The following KDM4C variants were observed in gnomAD, a reference collection of about 807,000 sequenced individuals.
KDM4C encodes lysine-specific demethylase 4C.
In KDM4C, 81 loss-of-function variants were observed where a neutral mutation model predicts 129.3. The ratio of observed to expected loss-of-function variants is 0.63; its 90% CI spans 0.52 to 0.75. The LOEUF is 0.75. KDM4C is among the 30% of genes least tolerant of loss of function. KDM4C has a pLI of 0.00. For synonymous variants in KDM4C, 573 were observed against 456.1 expected, an observed-to-expected ratio of 1.26 and a Z score of -3.26; for missense variants, 1,457 against 1,304.0, an observed-to-expected ratio of 1.12 and a Z score of -1.81.
chr9:6,825,208 TTATAAAGTCATATGTCC>T, intron 4 of KDM4C, among the ~76,000 whole-genome samples: 1 of 152,096 alleles, frequency 6.6e-6, no homozygotes, highest in South Asian at 2.1e-4. Context: ...ATTTAATCTG[TTATAAAGTCATATGTCC>T]TATAGCTTCT....
At chr9:6,796,511 A>T (rs905657338) in intron 2 of KDM4C, among the ~76,000 whole-genome samples, 1 of 152,092 alleles carries the variant, frequency 6.6e-6, no homozygotes, top group African/African-American at 2.4e-5. Context: ...GTGTCTTGTG[A>T]GGTAGGGTGG....
chr9:7,024,000 GAT>G (rs2132284233), intron 15 of KDM4C, among the ~76,000 whole-genome samples: 1 of 152,288 alleles, frequency 6.6e-6, no homozygotes, highest in South Asian at 2.1e-4. Context: ...GAAGATGCTT[GAT>G]ATTATTGCAC....
At chr9:6,795,333 G>A (rs1023784560) in intron 2 of KDM4C, among the ~76,000 whole-genome samples, 16 of 151,846 alleles carry the variant, frequency 1.1e-4, no homozygotes, top group African/African-American at 3.9e-4. Flanking sequence ...TATATTTTTT[G>A]TTGTTGTTTC....
chr9:7,082,939 T>G lies in KDM4C; in HGVS notation c.2425-20746T>G, dbSNP rs553957518. ...ACTTTTTCTTTGTTTACTATTGATA[T>G]TAATAGCCATTGTTTATAGTTCAGC... On this transcript the variant is annotated intron_variant, in intron 17 of 21. Transcript: ENST00000381309. 2.9e-4 allele frequency among the ~76,000 whole-genome samples: 44 copies of G among 152,356 alleles called. 1 individual carries two copies. In the South Asian group the frequency reaches 8.3e-3, roughly 29 times the overall value.
intron 6 of KDM4C, among the ~76,000 whole-genome samples, chr9:6,883,400 C>G (rs1480193728): frequency 6.6e-6 from 1 of 152,154 alleles, no homozygotes; most frequent in Non-Finnish European, 1.5e-5. Context: ...GCATGGAGAT[C>G]AATGTGTGGT....
chr9:6,974,902 A>T (rs1832679363), intron 8 of KDM4C: 1 of 152,212 alleles, frequency 6.6e-6, no homozygotes, highest in Admixed American at 6.5e-5. Flanking sequence ...TAATATCTCT[A>T]ACTCTGAACT....
intron 8 of KDM4C, among the ~76,000 whole-genome samples, chr9:6,957,486 C>A (rs903829325): frequency 9.9e-5 from 15 of 152,108 alleles, no homozygotes; most frequent in Non-Finnish European, 2.1e-4. Flanking sequence ...CTTGTTAATA[C>A]CACCATGATA....
At chr9:7,023,715 A>T (rs1051986607) in intron 15 of KDM4C, among the ~76,000 whole-genome samples, 2 of 151,826 alleles carry the variant, frequency 1.3e-5, no homozygotes, top group Non-Finnish European at 2.9e-5. Flanking sequence ...TTTAAGATGC[A>T]TTGTTAGGTT....
intron 18 of KDM4C, among the ~76,000 whole-genome samples, chr9:7,121,512 C>T (rs1471172146): frequency 6.6e-6 from 1 of 152,194 alleles, no homozygotes; most frequent in African/African-American, 2.4e-5. Flanking sequence ...GGGAAATAAA[C>T]TTCAGTCCTT....
At chr9:6,912,418 C>A (rs1819490517) in intron 8 of KDM4C, among the ~76,000 whole-genome samples, 1 of 152,320 alleles carries the variant, frequency 6.6e-6, no homozygotes, top group South Asian at 2.1e-4. Context: ...ACATGCTTCA[C>A]ATAGGCGCTG....
intron 17 of KDM4C, among the ~76,000 whole-genome samples, chr9:7,058,131 C>T (rs778692176): frequency 1.3e-5 from 2 of 152,158 alleles, no homozygotes; most frequent in Non-Finnish European, 2.9e-5. Context: ...CATTGGGATT[C>T]TTTCAAAGCA....
At chr9:6,838,037 T>A (rs1426798737) in intron 4 of KDM4C, among the ~76,000 whole-genome samples, 2 of 152,234 alleles carry the variant, frequency 1.3e-5, no homozygotes, top group Non-Finnish European at 2.9e-5. Flanking sequence ...CTTTTTTTGC[T>A]TGTTAATACT....
intron 19 of KDM4C, among the ~76,000 whole-genome samples, chr9:7,143,510 A>G (rs1841955749): frequency 6.6e-6 from 1 of 152,244 alleles, no homozygotes; most frequent in Admixed American, 6.5e-5. Context: ...AGTTGCGTGC[A>G]TCAGTAAAGC....
chr9:6,762,165 G>A (rs1819678439), intron 1 of KDM4C, among the ~76,000 whole-genome samples: 1 of 151,952 alleles, frequency 6.6e-6, no homozygotes, highest in African/African-American at 2.4e-5. Flanking sequence ...TTGTTACATA[G>A]GTATACATGT....
At chr9:6,766,297 C>G (rs905427905) in intron 1 of KDM4C, among the ~76,000 whole-genome samples, 3 of 152,052 alleles carry the variant, frequency 2.0e-5, no homozygotes, top group African/African-American at 7.2e-5. Flanking sequence ...GCCCTCGAAA[C>G]TTTCAGATTT....
At position 6,942,574 on chromosome 9, in the gene KDM4C, G is replaced by C. The variant is rs1826158968; in HGVS notation, c.922-38351G>C. On this transcript the variant is annotated intron_variant, in intron 8 of 21. Coordinates refer to ENST00000381309, the MANE Select transcript of KDM4C (RefSeq NM_015061.6). ...TGCTCTTCTGCTACCAGGATGGCTT[G>C]AATGCAATATAGGCTGTTCCATGTG... 4 of 152,084 alleles carry C rather than the reference G, an allele frequency of 2.6e-5. No individual in the cohort carries two copies. The South Asian group carries it at 8.3e-4, about 32-fold the overall frequency. 9.4% of individuals were successfully genotyped at this position (152,084 alleles called of 1,614,324 possible). A position where few individuals can be genotyped will look rare whatever the true frequency, so the allele number is the denominator to read the frequency against.
At chr9:6,780,093 C>T (rs1184326294) in intron 1 of KDM4C, among the ~76,000 whole-genome samples, 2 of 152,160 alleles carry the variant, frequency 1.3e-5, no homozygotes, top group East Asian at 1.9e-4. Context: ...AAGAACACCA[C>T]TGACCTCACA....
At chr9:7,001,669 A>G (rs1328426684) in intron 12 of KDM4C, among the ~76,000 whole-genome samples, 1 of 151,654 alleles carries the variant, frequency 6.6e-6, no homozygotes, top group Non-Finnish European at 1.5e-5. Flanking sequence ...AACTCCTATT[A>G]GTTGTTGGGT....
intron 8 of KDM4C, among the ~76,000 whole-genome samples, chr9:6,939,341 T>TC (rs1410649756): frequency 1.3e-5 from 2 of 151,718 alleles, no homozygotes; most frequent in Admixed American, 6.6e-5. Context: ...CTGTCTCCCA[T>TC]CCCCCCGTGA....
Sources: allele counts gnomAD v4.1 joint callset (sites outside exome capture counted in the v4.1 genomes callset), GRCh38; gene constraint gnomAD v4.1.1; transcripts MANE v1.5; gene names NCBI Gene and HGNC (gene_info 2026-07-23, HGNC 2026-07-21).